HPCAL1: variants seen among roughly 807,000 people sequenced by gnomAD.
HPCAL1 encodes hippocalcin like 1, also known as hippocalcin-like protein 1.
Under a neutral mutation model 17.1 loss-of-function variants are expected in HPCAL1, and 8 were observed. The observed-to-expected ratio is 0.47, with a 90% confidence interval of 0.27 to 0.84. The LOEUF (loss-of-function observed/expected upper bound fraction) is 0.84, where lower values mean the gene tolerates loss of function less well. HPCAL1 is among the 40% of genes least tolerant of loss of function. The pLI is 0.13. For missense variants in HPCAL1, 165 were observed against 271.1 expected, an observed-to-expected ratio of 0.61 and a Z score of 2.75; for synonymous variants, 112 against 111.4, an observed-to-expected ratio of 1.01 and a Z score of -0.03.
chr2:10,355,450 CAAAAAAAAAAAAAA>C (rs34600690), intron 1 of HPCAL1, among the ~76,000 whole-genome samples: 7 of 32,208 alleles, frequency 2.2e-4, no homozygotes, highest in East Asian at 3.5e-3. Context: ...GACTCCGTCT[CAAAAAAAAAAAAAA>C]AAAAAAAAAA....
At position 10,419,914 on chromosome 2, in the gene HPCAL1, G is replaced by T. The variant is rs375884714; in HGVS notation, c.157G>T (p.Ala53Ser). Residue 53 changes from alanine to serine, a missense_variant, in exon 3 of 5, where the codon GCC (alanine) becomes TCC (serine). Ala to Ser is a moderately conservative substitution (Grantham distance 99, BLOSUM62 1). Transcript: ENST00000307845. This position sits in a 1 kb window ranked among gnomAD's most constrained non-coding sequence, Gnocchi z 5.0. ...LTVDEFKKIYANFFPYGDASK... is the reference protein window; with the variant it reads ...LTVDEFKKIYSNFFPYGDASK... Reference sequence around the variant, plus strand: ...CGTGGACGAGTTCAAGAAGATCTACGCCAACTTCTTCCCCTACGGCGACGC... The same window carrying T: ...CGTGGACGAGTTCAAGAAGATCTACTCCAACTTCTTCCCCTACGGCGACGC... The T allele has an allele frequency of 3.1e-6, 5 of 1,613,674 alleles. No individual in the cohort carries two copies. The highest frequency in any genetic ancestry group is 4.2e-6 in the Non-Finnish European group (5 of 1,179,976).
intron 1 of HPCAL1, among the ~76,000 whole-genome samples, chr2:10,372,550 G>T (rs7573168): frequency 0.52 from 78,503 of 151,780 alleles, 21,517 homozygotes; most frequent in East Asian, 0.79. Context: ...TGTGACACAG[G>T]GGGGCAAGTG....
chr2:10,332,235 A>T (rs1201580313), intron 1 of HPCAL1, among the ~76,000 whole-genome samples: 1 of 152,138 alleles, frequency 6.6e-6, no homozygotes, highest in Non-Finnish European at 1.5e-5. Flanking sequence ...CCACCCACCC[A>T]TGATCCCGTC....
Position 10,304,715 on chromosome 2 carries a change from G to A in HPCAL1, c.-111+1538G>A, listed in dbSNP as rs1210519969. 6.6e-6 allele frequency among the ~76,000 whole-genome samples: 1 copy of A among 152,248 alleles called. No individual in the cohort carries two copies. Among genetic ancestry groups the A allele is most frequent in the Non-Finnish European group, 1.5e-5 (1 of 68,044 alleles). On this transcript the variant is annotated intron_variant, in intron 1 of 4. Coordinates refer to ENST00000307845, the MANE Select transcript of HPCAL1 (RefSeq NM_002149.4). The surrounding 1 kb of genome is among the most constrained non-coding windows in gnomAD (Gnocchi z 4.1). Reference sequence around the variant, plus strand: ...CTCGGACGCAGCAAGGCCAGCTCTAGGGGTCGGGTGGCTCTCGGCCAGAGC... The same window carrying A: ...CTCGGACGCAGCAAGGCCAGCTCTAAGGGTCGGGTGGCTCTCGGCCAGAGC...
chr2:10,349,513 C>G lies in HPCAL1; in HGVS notation c.-111+46336C>G, dbSNP rs553708678. ...ATGAGGTCAGGAGAGACCATCCTGG[C>G]TAACACGGTGAAACCCTGTCTCTAC... On this transcript the variant is annotated intron_variant, in intron 1 of 4. Coordinates refer to ENST00000307845, the MANE Select transcript of HPCAL1 (RefSeq NM_002149.4). 2.8e-3 allele frequency among the ~76,000 whole-genome samples: 430 copies of G among 151,646 alleles called. 2 individuals are homozygous for G. Among genetic ancestry groups the G allele is most frequent in the African/African-American group, 1.0e-2 (413 of 41,368 alleles).
intron 1 of HPCAL1, among the ~76,000 whole-genome samples, chr2:10,350,500 C>G (rs1422333122): frequency 6.6e-6 from 1 of 151,940 alleles, no homozygotes; most frequent in African/African-American, 2.4e-5. Context: ...TTTGTAGAGA[C>G]AGGATCTCAC....
At chr2:10,393,201 C>T (rs1668815961) in intron 1 of HPCAL1, among the ~76,000 whole-genome samples, 1 of 152,252 alleles carries the variant, frequency 6.6e-6, no homozygotes, top group Non-Finnish European at 1.5e-5. Flanking sequence ...ACTTCTGCTA[C>T]TTGATTCTGT....
In HPCAL1 at chr2:10,310,655, C is replaced by T. The variant is rs1361943343; in HGVS notation, c.-111+7478C>T. Among the ~76,000 whole-genome samples, 1 of 152,120 alleles carries T rather than the reference C, an allele frequency of 6.6e-6. No individual in the cohort carries two copies. Among genetic ancestry groups the T allele is most frequent in the Non-Finnish European group, 1.5e-5 (1 of 68,026 alleles). On this transcript the variant is annotated intron_variant, in intron 1 of 4. Transcript: ENST00000307845. The surrounding 1 kb of genome is among the most constrained non-coding windows in gnomAD (Gnocchi z 4.5). ...TGCACAGAGAGAGCTGCAGGTTGTT[C>T]CTCAGGCATAACGAGGCCCGGAGCT...
At chr2:10,361,716 ATTTT>A (rs199534306) in intron 1 of HPCAL1, among the ~76,000 whole-genome samples, 1 of 142,656 alleles carries the variant, frequency 7.0e-6, no homozygotes, top group Non-Finnish European at 1.5e-5. Context: ...AACTTCTTAA[ATTTT>A]TTTTTTTTTT....
At chr2:10,393,475 G>T (rs1311351753) in intron 1 of HPCAL1, among the ~76,000 whole-genome samples, 1 of 152,232 alleles carries the variant, frequency 6.6e-6, no homozygotes, top group Non-Finnish European at 1.5e-5. Flanking sequence ...AAATGGCAGA[G>T]GTCACAGGAT....
At chr2:10,319,104 G>A (rs984923149) in intron 1 of HPCAL1, among the ~76,000 whole-genome samples, 1 of 152,186 alleles carries the variant, frequency 6.6e-6, no homozygotes, top group Non-Finnish European at 1.5e-5. Context: ...CGTCCTCATC[G>A]TGAGTCTTTC....
chr2:10,387,034 T>C (rs977285376), intron 1 of HPCAL1, among the ~76,000 whole-genome samples: 2 of 152,174 alleles, frequency 1.3e-5, no homozygotes, highest in Non-Finnish European at 2.9e-5. Context: ...GCAGTGCTGG[T>C]GGCTGTGTCG....
intron 1 of HPCAL1, among the ~76,000 whole-genome samples, chr2:10,312,324 T>C (rs199847535): frequency 7.3e-5 from 1 of 13,654 alleles, no homozygotes; most frequent in Non-Finnish European, 1.2e-4. Flanking sequence ...CATCATCATA[T>C]CATCATCATC....
chr2:10,378,289 G>A (rs1667716255), intron 1 of HPCAL1, among the ~76,000 whole-genome samples: 1 of 135,702 alleles, frequency 7.4e-6, no homozygotes, highest in Non-Finnish European at 1.5e-5. Context: ...TGCACACACA[G>A]TTAATATTTC....
In HPCAL1 at chr2:10,354,698, G is replaced by A. The variant is rs766124392; in HGVS notation, c.-110-42137G>A. Reference sequence around the variant, plus strand: ...TAACTACTCAAAAACTACTGTTTACGTATTTTACTTTGACTTCTTTCTGGG... The same window carrying A: ...TAACTACTCAAAAACTACTGTTTACATATTTTACTTTGACTTCTTTCTGGG... On this transcript the variant is annotated intron_variant, in intron 1 of 4. Transcript: ENST00000307845. This position sits in a 1 kb window ranked among gnomAD's most constrained non-coding sequence, Gnocchi z 5.1. Among the ~76,000 whole-genome samples the A allele has an allele frequency of 6.6e-6, 1 of 152,220 alleles. No individual in the cohort carries two copies. The highest frequency in any genetic ancestry group is 2.4e-5 in the African/African-American group (1 of 41,436).
chr2:10,307,600 C>T (rs1460260867), intron 1 of HPCAL1, among the ~76,000 whole-genome samples: 1 of 152,088 alleles, frequency 6.6e-6, no homozygotes, highest in Non-Finnish European at 1.5e-5. Flanking sequence ...TTATGGTCAA[C>T]ACGTCTCATC....
At chr2:10,372,295 C>T (rs1182434351) in intron 1 of HPCAL1, among the ~76,000 whole-genome samples, 1 of 134,998 alleles carries the variant, frequency 7.4e-6, no homozygotes, top group Non-Finnish European at 1.7e-5. Flanking sequence ...TGGGGGAAGC[C>T]CCATGGGGGC....
intron 1 of HPCAL1, among the ~76,000 whole-genome samples, chr2:10,327,768 A>G (rs1266916724): frequency 6.6e-6 from 1 of 152,174 alleles, no homozygotes; most frequent in Non-Finnish European, 1.5e-5. Context: ...GCCTTGGCTT[A>G]TTCCAGCAGA....
intron 1 of HPCAL1, among the ~76,000 whole-genome samples, chr2:10,333,016 G>A (rs1664484965): frequency 6.6e-6 from 1 of 151,958 alleles, no homozygotes; most frequent in Admixed American, 6.6e-5. Context: ...GGGCTCTGTG[G>A]GAGATTTCAG....
Sources: gnomAD v4.1 joint callset for allele counts (sites outside exome capture counted in the v4.1 genomes callset) on GRCh38, gnomAD v4.1.1 for gene constraint, Gnocchi (gnomAD v3.1) non-coding constraint, MANE v1.5 for transcripts, NCBI Gene and HGNC (gene_info 2026-07-23, HGNC 2026-07-21) for gene names.